The following RGS6 variants were observed in gnomAD, a reference collection of about 807,000 sequenced individuals.
RGS6 encodes the protein regulator of G-protein signaling 6.
Under a neutral mutation model 78.5 loss-of-function variants are expected in RGS6, and 30 were observed. The observed-to-expected ratio is 0.38, with a 90% confidence interval of 0.29 to 0.52. RGS6 has a LOEUF of 0.52. RGS6 is among the 20% of genes least tolerant of loss of function. RGS6 has a pLI of 0.85. For missense variants in RGS6, 495 were observed against 609.7 expected, an observed-to-expected ratio of 0.81 and a Z score of 1.98; for synonymous variants, 206 against 206.0, an observed-to-expected ratio of 1.00 and a Z score of 0.00.
intron 2 of RGS6, among the ~76,000 whole-genome samples, chr14:72,269,933 G>C (rs1214804494): frequency 6.6e-6 from 1 of 152,162 alleles, no homozygotes; most frequent in African/African-American, 2.4e-5. Flanking sequence ...CAGGAAATTA[G>C]AGGATAAAAA....
Position 72,456,796 on chromosome 14 carries a change from G to A in RGS6, c.236-1475G>A, listed in dbSNP as rs944432269. 3.3e-5 allele frequency among the ~76,000 whole-genome samples: 5 copies of A among 151,964 alleles called. No individual in the cohort carries two copies. In the South Asian group the frequency reaches 6.2e-4, roughly 19 times the overall value. On this transcript the variant is annotated intron_variant, in intron 4 of 17. Coordinates refer to ENST00000553525, the MANE Select transcript of RGS6 (RefSeq NM_001204424.2). ...GCATATGGACTTTAAAAAGCAAACC[G>A]GCCAGACATGGTAGCTCATGCCTGT...
chr14:72,219,584 C>T (rs2046380164), intron 2 of RGS6, among the ~76,000 whole-genome samples: 1 of 152,026 alleles, frequency 6.6e-6, no homozygotes, highest in South Asian at 2.1e-4. Context: ...ATTTTTTTCT[C>T]ATCAATTCTT....
rs181566472 is a variant in RGS6, at chr14:72,209,312, T to C, written c.85-142783T>C. ...AAAGGCAGATAAAAAGTATACATAT[T>C]CTATTCTTTAAAAGGCAATAATCAT... On this transcript the variant is annotated intron_variant, in intron 2 of 17. Coordinates refer to ENST00000553525, the MANE Select transcript of RGS6 (RefSeq NM_001204424.2). Among the ~76,000 whole-genome samples the C allele has an allele frequency of 2.4e-4, 36 of 152,336 alleles. 1 individual carries two copies. The East Asian group carries it at 6.6e-3, about 28-fold the overall frequency.
chr14:72,278,113 G>T (rs974500924), intron 2 of RGS6, among the ~76,000 whole-genome samples: 7 of 152,104 alleles, frequency 4.6e-5, no homozygotes, highest in African/African-American at 1.7e-4. Context: ...AGGTACAAGT[G>T]GGGGCCAGAG....
chr14:72,545,998 C>T (rs1383187568), intron 17 of RGS6, among the ~76,000 whole-genome samples: 3 of 152,162 alleles, frequency 2.0e-5, no homozygotes, highest in African/African-American at 7.2e-5. Context: ...ACTGTGGGGT[C>T]CCAGGGGCCC....
the RGS6 span, among the ~76,000 whole-genome samples, chr14:72,593,350 C>T: frequency 1.5e-3 from 234 of 152,182 alleles, no homozygotes; most frequent in African/African-American, 5.3e-3. Flanking sequence ...TTCTATGCCT[C>T]ATTGCTAAAG....
chr14:72,568,178 C>T (rs954740368), downstream of RGS6, among the ~76,000 whole-genome samples: 9 of 152,218 alleles, frequency 5.9e-5, no homozygotes, highest in African/African-American at 1.9e-4. Context: ...AACGAAGTAA[C>T]AGCCCCTGAG....
At chr14:72,489,101 C>T (rs2096538855) in intron 12 of RGS6, among the ~76,000 whole-genome samples, 1 of 150,562 alleles carries the variant, frequency 6.6e-6, no homozygotes, top group Non-Finnish European at 1.5e-5. Flanking sequence ...TCAAAGCTAA[C>T]TAAGGCTGAG....
At chr14:71,872,846 G>A in the RGS6 span, among the ~76,000 whole-genome samples, 1 of 152,164 alleles carries the variant, frequency 6.6e-6, no homozygotes, top group Non-Finnish European at 1.5e-5. Context: ...CTGTGTCCAA[G>A]TGTTCTCACT....
At chr14:72,130,971 T>G (rs2096301422) in intron 2 of RGS6, among the ~76,000 whole-genome samples, 1 of 152,236 alleles carries the variant, frequency 6.6e-6, no homozygotes, top group Non-Finnish European at 1.5e-5. Flanking sequence ...AGCTACTGCC[T>G]TGATCCCCTC....
At chr14:72,524,941 C>G (rs1362291922) in intron 15 of RGS6, among the ~76,000 whole-genome samples, 1 of 152,236 alleles carries the variant, frequency 6.6e-6, no homozygotes, top group African/African-American at 2.4e-5. Flanking sequence ...CCCAGCCCCA[C>G]TGCTTTCCTG....
At chr14:72,091,040 C>T (rs977373938) in intron 2 of RGS6, among the ~76,000 whole-genome samples, 1 of 152,134 alleles carries the variant, frequency 6.6e-6, no homozygotes, top group Non-Finnish European at 1.5e-5. Flanking sequence ...GAGGGAGTAG[C>T]ATGAACGTTT....
At chr14:72,493,210 A>G (rs1042688283) in intron 12 of RGS6, among the ~76,000 whole-genome samples, 7 of 152,216 alleles carry the variant, frequency 4.6e-5, no homozygotes, top group Admixed American at 2.0e-4. Context: ...AAAGAGTATA[A>G]TCAAAATAAA....
intron 2 of RGS6, among the ~76,000 whole-genome samples, chr14:72,228,032 A>G (rs2048554175): frequency 1.3e-5 from 2 of 152,234 alleles, no homozygotes; most frequent in African/African-American, 4.8e-5. Flanking sequence ...AGGATTCCCC[A>G]AGGGGAACCA....
intron 3 of RGS6, among the ~76,000 whole-genome samples, chr14:72,383,557 C>CT (rs1472196427): frequency 1.3e-5 from 2 of 152,174 alleles, no homozygotes; most frequent in Non-Finnish European, 2.9e-5. Context: ...ATCCATTCTG[C>CT]TTATTAACAG....
intron 2 of RGS6, among the ~76,000 whole-genome samples, chr14:72,074,605 G>A (rs1049429368): frequency 6.6e-6 from 1 of 152,104 alleles, no homozygotes; most frequent in South Asian, 2.1e-4. Context: ...ATTAACCTAA[G>A]TTGTATAACC....
At chr14:71,914,150 G>A in the RGS6 span, among the ~76,000 whole-genome samples, 1 of 152,252 alleles carries the variant, frequency 6.6e-6, no homozygotes, top group South Asian at 2.1e-4. Context: ...CTCCCTGGAG[G>A]TGGGTTTTGT....
At chr14:72,036,160 A>T (rs1311883917) in intron 2 of RGS6, among the ~76,000 whole-genome samples, 1 of 151,554 alleles carries the variant, frequency 6.6e-6, no homozygotes, top group Non-Finnish European at 1.5e-5. Flanking sequence ...TTCACTCTGC[A>T]TAATGCCTCG....
chr14:72,556,888 TTA>T (rs1186113915), intron 17 of RGS6, among the ~76,000 whole-genome samples: 4 of 152,214 alleles, frequency 2.6e-5, no homozygotes, highest in Non-Finnish European at 4.4e-5. Context: ...GGGTATTGTT[TTA>T]TGTTTGTGAT....
Sources: gnomAD v4.1 joint callset for allele counts (sites outside exome capture counted in the v4.1 genomes callset) on GRCh38, gnomAD v4.1.1 for gene constraint, MANE v1.5 for transcripts, NCBI Gene and HGNC (gene_info 2026-07-23, HGNC 2026-07-21) for gene names.